FNDC3B: variants seen among roughly 807,000 people sequenced by gnomAD.
FNDC3B encodes the protein fibronectin type III domain-containing protein 3B.
In FNDC3B, 12 loss-of-function variants were observed where a neutral mutation model predicts 151.5. That is an observed-to-expected ratio of 0.08 (90% CI 0.05 to 0.13). FNDC3B has a LOEUF of 0.13. Among genes scored for constraint, FNDC3B ranks in the 10% least tolerant of loss-of-function variants. The pLI, the probability that FNDC3B is intolerant of heterozygous loss-of-function variation, is 1.00. For synonymous variants in FNDC3B, 528 were observed against 549.0 expected (o/e 0.96, Z 0.54); for missense variants, 1,214 against 1,505.3 (o/e 0.81, Z 3.20).
At chr3:172,375,167 GC>G (rs2108362587) in intron 23 of FNDC3B, among the ~76,000 whole-genome samples, 1 of 152,108 alleles carries the variant, frequency 6.6e-6, no homozygotes, top group East Asian at 1.9e-4. Context: ...GTGCCAACTT[GC>G]TACCTCTGTC....
At chr3:172,231,361 A>G (rs1726878877) in intron 4 of FNDC3B, among the ~76,000 whole-genome samples, 2 of 152,228 alleles carry the variant, frequency 1.3e-5, no homozygotes, top group African/African-American at 4.8e-5. Flanking sequence ...GGAAGTAGAT[A>G]GTGGTAGTGG....
intron 22 of FNDC3B, among the ~76,000 whole-genome samples, chr3:172,354,172 G>T (rs1355814934): frequency 1.3e-5 from 2 of 151,974 alleles, no homozygotes; most frequent in African/African-American, 4.8e-5. Flanking sequence ...TCATTCTATA[G>T]TAGTTTATTT....
At chr3:172,396,217 A>C (rs980365784) in intron 25 of FNDC3B, among the ~76,000 whole-genome samples, 4 of 152,246 alleles carry the variant, frequency 2.6e-5, no homozygotes, top group African/African-American at 9.6e-5. Flanking sequence ...TAGCTCGATA[A>C]CATGAGTGAA....
intron 9 of FNDC3B, among the ~76,000 whole-genome samples, chr3:172,305,764 A>G (rs1319540584): frequency 6.6e-6 from 1 of 152,226 alleles, no homozygotes; most frequent in African/African-American, 2.4e-5. Context: ...TCTGTGTATC[A>G]AAGTTCAGGC....
In FNDC3B at chr3:172,378,187, C is replaced by A. The variant is rs1735252006; in HGVS notation, c.3009-83C>A. 2.3e-6 allele frequency: 3 copies of A among 1,299,900 alleles called. No individual in the cohort carries two copies. The South Asian group carries it at 4.5e-5, about 20-fold the overall frequency. 80.5% of individuals were successfully genotyped at this position (1,299,900 alleles called of 1,614,324 possible). On this transcript the variant is annotated intron_variant, in intron 23 of 25. Transcript: ENST00000415807. Reference sequence around the variant, plus strand: ...AAAGCGTTTACCAGGTTGGCCTAATCTGCTCCATTAGTTTGCATCATAATT... The same window carrying A: ...AAAGCGTTTACCAGGTTGGCCTAATATGCTCCATTAGTTTGCATCATAATT...
chr3:172,353,545 A>T (rs1361775746), intron 22 of FNDC3B, among the ~76,000 whole-genome samples: 2 of 152,208 alleles, frequency 1.3e-5, no homozygotes, highest in African/African-American at 4.8e-5. Flanking sequence ...CTTCTAAAAA[A>T]ATATCTGGAG....
chr3:172,104,989 A>G (rs1458027238), intron 1 of FNDC3B, among the ~76,000 whole-genome samples: 1 of 152,202 alleles, frequency 6.6e-6, no homozygotes, highest in African/African-American at 2.4e-5. Context: ...TCAAGAAGGA[A>G]AGAGGTTTTT....
chr3:172,043,137 G>C (rs1447218465), intron 1 of FNDC3B, among the ~76,000 whole-genome samples: 2 of 151,994 alleles, frequency 1.3e-5, no homozygotes, highest in Non-Finnish European at 2.9e-5. Flanking sequence ...GGCTGGTCAC[G>C]AACTCCTGAC....
At chr3:172,242,926 T>A (rs973663726) in intron 4 of FNDC3B, among the ~76,000 whole-genome samples, 2 of 152,198 alleles carry the variant, frequency 1.3e-5, no homozygotes, top group Non-Finnish European at 2.9e-5. Flanking sequence ...AGCACCCAGG[T>A]CACCTCTTGA....
chr3:172,317,311 G>A (rs139151046), intron 11 of FNDC3B: 126 of 321,624 alleles, frequency 3.9e-4, no homozygotes, highest in African/African-American at 2.6e-3. Context: ...AGCCTCCCGA[G>A]TAACTGGGAC....
intron 9 of FNDC3B, among the ~76,000 whole-genome samples, chr3:172,305,926 C>G (rs1001871574): frequency 6.6e-6 from 1 of 152,162 alleles, no homozygotes; most frequent in Non-Finnish European, 1.5e-5. Flanking sequence ...CAAAAAGGAC[C>G]TTTTCCTTCA....
At chr3:172,134,225 G>A (rs767193904) in intron 3 of FNDC3B, 25 of 409,784 alleles carry the variant, frequency 6.1e-5, no homozygotes, top group Non-Finnish European at 1.2e-4. Flanking sequence ...ACAGCTCCTA[G>A]CACACTTCTA....
At chr3:172,063,307 G>A (rs1717313540) in intron 1 of FNDC3B, among the ~76,000 whole-genome samples, 1 of 152,046 alleles carries the variant, frequency 6.6e-6, no homozygotes, top group African/African-American at 2.4e-5. Flanking sequence ...TTGTCCTTCT[G>A]TTCAGATTCT....
Position 172,381,051 on chromosome 3 carries a change from C to T in FNDC3B, c.3261C>T (p.Tyr1087=), listed in dbSNP as rs1013089884. The T allele has an allele frequency of 6.2e-7, 1 of 1,613,712 alleles. No individual in the cohort carries two copies. Among genetic ancestry groups the T allele is most frequent in the African/African-American group, 1.3e-5 (1 of 74,904 alleles). ...CAATGAAAGGTGACCCTGTTAACTACATTCTGCAGGTATTGGTTGGAAGAG... is the reference window on the plus strand; with the variant it reads ...CAATGAAAGGTGACCCTGTTAACTATATTCTGCAGGTATTGGTTGGAAGAG... The part of the protein sequence containing the change: ...VPSMKGDPVN[Y]ILQVLVGRES... Residue 1087 remains tyrosine (Y), a synonymous_variant, in exon 25 of 26, where the codon TAC becomes TAT. Transcript: ENST00000415807.
Position 172,077,728 on chromosome 3 carries a change from C to T in FNDC3B, c.-28-34724C>T, listed in dbSNP as rs530421690. Reference sequence around the variant, plus strand: ...TTATAGAAATATTTGACTTTTTCCCCCCCAAAAAAGAAAACTTGAATGCTT... The same window carrying T: ...TTATAGAAATATTTGACTTTTTCCCTCCCAAAAAAGAAAACTTGAATGCTT... On this transcript the variant is annotated intron_variant, in intron 1 of 25. Transcript: ENST00000415807. 3.3e-5 allele frequency among the ~76,000 whole-genome samples: 5 copies of T among 152,132 alleles called. No individual in the cohort carries two copies. In the East Asian group the frequency reaches 9.7e-4, roughly 29 times the overall value.
chr3:172,378,569 T>C (rs1229088770), intron 24 of FNDC3B, 133 bp downstream of exon 24: 8 of 871,398 alleles, frequency 9.2e-6, no homozygotes, highest in East Asian at 2.9e-5. Context: ...CTAAAGAAGA[T>C]TGAGCAATGA....
At chr3:172,114,990 T>C (rs1196060209) in intron 2 of FNDC3B, among the ~76,000 whole-genome samples, 3 of 152,220 alleles carry the variant, frequency 2.0e-5, no homozygotes, top group Admixed American at 6.5e-5. Context: ...TAACTTTTCC[T>C]TAATGGGCAA....
At chr3:172,045,411 T>C (rs898008455) in intron 1 of FNDC3B, among the ~76,000 whole-genome samples, 6 of 152,112 alleles carry the variant, frequency 3.9e-5, no homozygotes, top group African/African-American at 1.4e-4. Context: ...TTCAGGGCTG[T>C]TTTTGAGGTG....
intron 22 of FNDC3B, among the ~76,000 whole-genome samples, chr3:172,359,994 T>C (rs912553415): frequency 2.0e-5 from 3 of 152,182 alleles, no homozygotes; most frequent in African/African-American, 7.2e-5. Flanking sequence ...AACATAAATA[T>C]TAATTTTTCT....
Sources: gnomAD v4.1 joint callset for allele counts (sites outside exome capture counted in the v4.1 genomes callset) on GRCh38, gnomAD v4.1.1 for gene constraint, MANE v1.5 for transcripts, NCBI Gene and HGNC (gene_info 2026-07-23, HGNC 2026-07-21) for gene names.